Variants in KIAA0408 observed in about 807,000 individuals in gnomAD.
KIAA0408 encodes the protein uncharacterized protein KIAA0408.
KIAA0408 carries 51 observed loss-of-function variants against 60.9 expected under a neutral mutation model. That is an observed-to-expected ratio of 0.84 (90% CI 0.67 to 1.06). The LOEUF (loss-of-function observed/expected upper bound fraction) is 1.06. Ranked by LOEUF, KIAA0408 falls within the 50% of genes least tolerant of loss-of-function variation. KIAA0408 has a pLI of 0.00. For missense variants in KIAA0408, 787 were observed against 833.9 expected, an observed-to-expected ratio of 0.94 and a Z score of 0.69; for synonymous variants, 304 against 282.4, an observed-to-expected ratio of 1.08 and a Z score of -0.77.
chr6:127,443,644 G>A lies in KIAA0408; in HGVS notation c.*465C>T, dbSNP rs370676352. ...GCCTTAAGTGGATACCTATTAAAAG[G>A]TATACAAAATATAAACAGTACTGCA... On this transcript the variant is annotated 3_prime_UTR_variant, in exon 6 of 6. Transcript: ENST00000483725. 1.3e-5 allele frequency: 2 copies of A among 153,224 alleles called. No homozygotes were observed. Among genetic ancestry groups the A allele is most frequent in the East Asian group, 1.9e-4 (1 of 5,206 alleles). The allele number at this position is 153,224 out of a possible 1,614,324, so 9.5% of individuals were successfully genotyped here.
chr6:127,445,034 C>T (rs1773166715), intron 5 of KIAA0408, among the ~76,000 whole-genome samples: 1 of 152,108 alleles, frequency 6.6e-6, no homozygotes, highest in African/African-American at 2.4e-5. Context: ...TTCTTATTGA[C>T]CCTTCTTAGA....
At chr6:127,449,024 A>G (rs1437573808) in intron 4 of KIAA0408, among the ~76,000 whole-genome samples, 1 of 152,194 alleles carries the variant, frequency 6.6e-6, no homozygotes, top group African/African-American at 2.4e-5. Context: ...GTTGTTCTGA[A>G]AAGTATGTAG....
At chr6:127,453,100 A>G (rs1180035794) in intron 2 of KIAA0408, among the ~76,000 whole-genome samples, 1 of 152,094 alleles carries the variant, frequency 6.6e-6, no homozygotes, top group Non-Finnish European at 1.5e-5. Context: ...TGTGCATAAA[A>G]CCATATAAAG....
rs1338162868 is a variant in KIAA0408 at position 127,440,687 on chromosome 6, A to G, written c.*3422T>C. ...AAAACATGCCGAATTTAAAGCAAAT[A>G]GTACTGTAATAAAAAAATCTGATTT... is the stretch of plus-strand genomic sequence containing the variant. On this transcript the variant is annotated 3_prime_UTR_variant, in exon 6 of 6. Transcript: ENST00000483725. 1 of 117,968 alleles carries G rather than the reference A, an allele frequency of 8.5e-6. No individual in the cohort carries two copies. The highest frequency in any genetic ancestry group is 1.9e-5 in the Non-Finnish European group (1 of 52,246). 7.3% of individuals were successfully genotyped at this position (117,968 alleles called of 1,614,324 possible). A position where few individuals can be genotyped will look rare whatever the true frequency, so the allele number is the denominator to read the frequency against.
intron 1 of KIAA0408, among the ~76,000 whole-genome samples, chr6:127,455,003 T>C (rs1773368697): frequency 6.6e-6 from 1 of 152,108 alleles, no homozygotes. Context: ...TGCATTAAAA[T>C]GGGGATAGTC....
rs1197596489 is a variant in KIAA0408 at position 127,441,500 on chromosome 6, C to G, written c.*2609G>C. On this transcript the variant is annotated 3_prime_UTR_variant, in exon 6 of 6. Coordinates refer to ENST00000483725, the MANE Select transcript of KIAA0408 (RefSeq NM_014702.5). ...GAGATCAGCCCATAATATCAGTAATCCTCTGCTGAACTAAAATAATATTTT... is the reference window on the plus strand; with the variant it reads ...GAGATCAGCCCATAATATCAGTAATGCTCTGCTGAACTAAAATAATATTTT... 1 of 152,392 alleles carries G rather than the reference C, an allele frequency of 6.6e-6. No homozygotes were observed. Among genetic ancestry groups the G allele is most frequent in the Non-Finnish European group, 1.5e-5 (1 of 68,018 alleles). The allele number at this position is 152,392 out of a possible 1,614,324, so 9.4% of individuals were successfully genotyped here.
Position 127,456,070 on chromosome 6 carries a change from T to C in KIAA0408, c.-120-1969A>G, listed in dbSNP as rs140847569. ...CAGACTGCTTTAAAACTATACGTAA[T>C]TAACTGTGTGGTGAAACTACCTTGC... is the stretch of plus-strand genomic sequence containing the variant. On this transcript the variant is annotated intron_variant, in intron 1 of 5. Transcript: ENST00000483725. Among the ~76,000 whole-genome samples the C allele has an allele frequency of 7.8e-4, 119 of 152,290 alleles. No homozygotes were observed. The Middle Eastern group carries it at 0.024, about 30-fold the overall frequency.
In KIAA0408 at chr6:127,440,888, G is replaced by A. The variant is rs866146456; in HGVS notation, c.*3221C>T. ...AGGAGCAGGAAGTCAGGCAGGTTTG[G>A]CTTCAGTTGTACTACCTAGAGATAT... On this transcript the variant is annotated 3_prime_UTR_variant, in exon 6 of 6. Coordinates refer to ENST00000483725, the MANE Select transcript of KIAA0408 (RefSeq NM_014702.5). 6.6e-6 allele frequency: 1 copy of A among 152,262 alleles called. No homozygotes were observed. The highest frequency in any genetic ancestry group is 2.4e-5 in the African/African-American group (1 of 41,436). The allele number at this position is 152,262 out of a possible 1,614,324, so 9.4% of individuals were successfully genotyped here. A position where few individuals can be genotyped will look rare whatever the true frequency, so the allele number is the denominator to read the frequency against.
intron 4 of KIAA0408, 129 bp from the exon 5 acceptor site, chr6:127,447,869 T>C: frequency 4.1e-6 from 5 of 1,210,880 alleles, no homozygotes; most frequent in Non-Finnish European, 5.4e-6. Context: ...TACATCATTT[T>C]TACATAAATC....
chr6:127,456,012 A>G (rs1183348757), intron 1 of KIAA0408, among the ~76,000 whole-genome samples: 2 of 152,216 alleles, frequency 1.3e-5, no homozygotes, highest in African/African-American at 2.4e-5. Flanking sequence ...AATTCTTCAT[A>G]GGAAATGCAG....
At chr6:127,455,511 A>C (rs1313516514) in intron 1 of KIAA0408, among the ~76,000 whole-genome samples, 1 of 152,140 alleles carries the variant, frequency 6.6e-6, no homozygotes, top group Non-Finnish European at 1.5e-5. Flanking sequence ...GTATTTTTTG[A>C]GTCACGATCA....
intron 4 of KIAA0408, among the ~76,000 whole-genome samples, chr6:127,448,525 AAAG>A (rs1255410653): frequency 1.5e-4 from 23 of 152,288 alleles, no homozygotes; most frequent in Non-Finnish European, 2.9e-4. Context: ...GTGATTTGTA[AAAG>A]AAAATTGGCA....
intron 4 of KIAA0408, among the ~76,000 whole-genome samples, chr6:127,448,413 G>C (rs1364858835): frequency 6.6e-6 from 1 of 152,064 alleles, no homozygotes; most frequent in African/African-American, 2.4e-5. Context: ...AAAAATGAGA[G>C]AGAAACATTA....
At chr6:127,453,496 A>G (rs998758025) in intron 2 of KIAA0408, among the ~76,000 whole-genome samples, 1 of 152,180 alleles carries the variant, frequency 6.6e-6, no homozygotes, top group East Asian at 1.9e-4. Context: ...TTGCTAATCT[A>G]TGTCCCACCA....
At chr6:127,444,634 T>TA (rs1773158596) in intron 5 of KIAA0408, among the ~76,000 whole-genome samples, 1 of 152,160 alleles carries the variant, frequency 6.6e-6, no homozygotes, top group African/African-American at 2.4e-5. Flanking sequence ...GTTAGTATGT[T>TA]ACAGTGTTAT....
chr6:127,455,042 T>C (rs1262444732), intron 1 of KIAA0408, among the ~76,000 whole-genome samples: 1 of 152,170 alleles, frequency 6.6e-6, no homozygotes, highest in Non-Finnish European at 1.5e-5. Context: ...TTAAATGGCA[T>C]ACTGAATGCA....
At chr6:127,452,556 T>C (rs1414234994) in intron 2 of KIAA0408, among the ~76,000 whole-genome samples, 2 of 152,176 alleles carry the variant, frequency 1.3e-5, no homozygotes, top group Non-Finnish European at 2.9e-5. Flanking sequence ...TGGACAGTAA[T>C]AAATTTAATC....
rs1050691661 is a variant in KIAA0408, at chr6:127,442,128, G to A, written c.*1981C>T. 2 of 152,178 alleles carry A rather than the reference G, an allele frequency of 1.3e-5. No homozygotes were observed. The highest frequency in any genetic ancestry group is 2.9e-5 in the Non-Finnish European group (2 of 68,034). 9.4% of individuals were successfully genotyped at this position (152,178 alleles called of 1,614,324 possible). On this transcript the variant is annotated 3_prime_UTR_variant, in exon 6 of 6. Coordinates refer to ENST00000483725, the MANE Select transcript of KIAA0408 (RefSeq NM_014702.5). ...GTTTTGTTTTATTAATGGTTCTGGAGTCCCAGTCCCTACCCCTGGAAATTT... is the reference window on the plus strand; with the variant it reads ...GTTTTGTTTTATTAATGGTTCTGGAATCCCAGTCCCTACCCCTGGAAATTT...
chr6:127,444,870 T>C (rs563748644), intron 5 of KIAA0408, among the ~76,000 whole-genome samples: 24 of 152,292 alleles, frequency 1.6e-4, no homozygotes, highest in Non-Finnish European at 3.4e-4. Flanking sequence ...CTCTTGGGCA[T>C]GTTCTGATGA....
Sources: allele counts gnomAD v4.1 joint callset (sites outside exome capture counted in the v4.1 genomes callset), GRCh38; gene constraint gnomAD v4.1.1; transcripts MANE v1.5; gene names NCBI Gene and HGNC (gene_info 2026-07-23, HGNC 2026-07-21).